The following ACIN1 variants were observed in gnomAD, a reference collection of about 807,000 sequenced individuals.
ACIN1 encodes apoptotic chromatin condensation inducer 1.
A neutral mutation model predicts 146.6 loss-of-function variants in ACIN1; 16 were observed. The ratio of observed to expected loss-of-function variants is 0.11; its 90% CI spans 0.07 to 0.17. The LOEUF (loss-of-function observed/expected upper bound fraction) is 0.17, where lower values mean the gene tolerates loss of function less well. Ranked by LOEUF, ACIN1 falls within the 10% of genes least tolerant of loss-of-function variation. ACIN1 has a pLI of 1.00. For synonymous variants in ACIN1, 569 were observed against 582.7 expected (o/e 0.98, Z 0.34); for missense variants, 1,357 against 1,609.3 (o/e 0.84, Z 2.68).
intron 4 of ACIN1, among the ~76,000 whole-genome samples, chr14:23,082,691 C>T (rs575652893): frequency 2.5e-4 from 38 of 151,632 alleles, no homozygotes; most frequent in African/African-American, 7.0e-4. Context: ...GTGATCTGCC[C>T]GCCTTGGCCT....
rs774301958 is a variant in ACIN1, at chr14:23,095,083, G to A, written c.30C>T (p.Asp10=). Residue 10 remains aspartate, a synonymous_variant, in exon 1 of 19, where the codon GAC becomes GAT. Transcript: ENST00000605057. The stretch of plus-strand genomic sequence containing the variant: ...CCCGCAGCGCCTGAAGAGGCTTCCC[G>A]TCCAGAGTCACCTCCTCCAGCTCCG... The part of the protein sequence containing the change: MAELEEVTL[D]GKPLQALRVT... The A allele has an allele frequency of 3.3e-5, 53 of 1,614,064 alleles. No homozygotes were observed. Among genetic ancestry groups the A allele is most frequent in the East Asian group, 4.5e-5 (2 of 44,892 alleles).
intron 9 of ACIN1, chr14:23,069,148 C>A: frequency 6.7e-6 from 7 of 1,037,252 alleles, no homozygotes; most frequent in Non-Finnish European, 8.1e-6. Flanking sequence ...GAGTTACCAC[C>A]AGGAGAAGCT....
In ACIN1 at chr14:23,079,573, G is replaced by A. The variant is rs764753556; in HGVS notation, c.1762C>T (p.Arg588Cys). 8 of 1,585,112 alleles carry A rather than the reference G, an allele frequency of 5.0e-6. No individual in the cohort carries two copies. The South Asian group carries it at 5.6e-5, about 11-fold the overall frequency. The change falls in exon 6 of 19, where the codon CGT becomes TGT. Residue 588 changes from arginine to cysteine, a missense_variant. Transcript: ENST00000605057. ...ESRSRSRSRS[R>C]SASSNSRKSL... ...TTTCTGCTGTTGCTTGATGCTGAAC[G>A]AGAACGTGAACGTGACCTTGATCTG...
intron 4 of ACIN1, among the ~76,000 whole-genome samples, chr14:23,083,887 T>C (rs1286970493): frequency 6.6e-6 from 1 of 152,216 alleles, no homozygotes; most frequent in African/African-American, 2.4e-5. Flanking sequence ...CAAAACCATG[T>C]TGTATAGTAA....
intron 12 of ACIN1, 34 bp from the exon 13 acceptor site, chr14:23,063,611 T>TAA: frequency 6.2e-7 from 1 of 1,613,222 alleles, no homozygotes; most frequent in Middle Eastern, 1.7e-4. Flanking sequence ...GCAGGTCTGT[T>TAA]AAACACCAAA....
chr14:23,069,652 G>GGGCC, intron 8 of ACIN1, 35 bp from the exon 9 acceptor site: 3 of 577,962 alleles, frequency 5.2e-6, no homozygotes, highest in Admixed American at 2.1e-5. Flanking sequence ...GGGGGGGCGG[G>GGGCC]CAGAAAAGAA....
At chr14:23,062,560 G>A (rs116588366) in intron 14 of ACIN1, 37 bp from the exon 15 acceptor site, 1 of 1,559,406 alleles carries the variant, frequency 6.4e-7, no homozygotes, top group Admixed American at 1.7e-5. Flanking sequence ...TCTAGCAGAA[G>A]GCAAGACCAC....
chr14:23,083,856 C>T (rs951009788), intron 4 of ACIN1, among the ~76,000 whole-genome samples: 2 of 152,178 alleles, frequency 1.3e-5, no homozygotes, highest in Non-Finnish European at 2.9e-5. Flanking sequence ...AATGTTAATA[C>T]AGTACAAAAG....
chr14:23,073,557 C>G (rs1334313562), intron 8 of ACIN1, among the ~76,000 whole-genome samples: 1 of 152,066 alleles, frequency 6.6e-6, no homozygotes, highest in Admixed American at 6.5e-5. Flanking sequence ...ACTCGGGAGG[C>G]TGAGGCAGGA....
At chr14:23,071,854 G>C (rs1010850176) in intron 8 of ACIN1, among the ~76,000 whole-genome samples, 2 of 152,228 alleles carry the variant, frequency 1.3e-5, no homozygotes, top group South Asian at 4.1e-4. Flanking sequence ...CTAGAAAATA[G>C]AGAGAATAGA....
In ACIN1 at chr14:23,068,758, AAC is replaced by A. The variant is rs1425655517; in HGVS notation, c.2265+716_2265+717del. 1 of 985,338 alleles carries A rather than the reference AAC, an allele frequency of 1.0e-6. No individual in the cohort carries two copies. Among genetic ancestry groups the A allele is most frequent in the Non-Finnish European group, 1.2e-6 (1 of 829,980 alleles). The allele number at this position is 985,338 out of a possible 1,614,324, so 61.0% of individuals were successfully genotyped here. ...CACTTTCACCGGCCCCCACCCCCGC[AAC>A]ACACACCAGAAAAAGGCTACACACA... is the stretch of plus-strand genomic sequence containing the variant. On this transcript the variant is annotated intron_variant, in intron 9 of 18. Coordinates refer to ENST00000605057, the MANE Select transcript of ACIN1 (RefSeq NM_001386863.1). This position sits in a 1 kb window ranked among gnomAD's most constrained non-coding sequence, Gnocchi z 4.3.
intron 2 of ACIN1, among the ~76,000 whole-genome samples, chr14:23,093,012 T>C (rs2048267032): frequency 6.6e-6 from 1 of 152,228 alleles, no homozygotes; most frequent in Admixed American, 6.5e-5. Flanking sequence ...GTAAGTGCAC[T>C]GAGTTAGTAG....
chr14:23,071,175 G>A, intron 8 of ACIN1: 1 of 1,545,694 alleles, frequency 6.5e-7, no homozygotes, highest in East Asian at 2.5e-5. Context: ...TGGAAGTGCT[G>A]TTTATCCCTT....
chr14:23,089,944 G>A, intron 4 of ACIN1, 38 bp downstream of exon 4: 1 of 1,551,432 alleles, frequency 6.4e-7, no homozygotes. Flanking sequence ...AACTACGCAG[G>A]ATTGACAAAA....
At chr14:23,069,222 G>A (rs769585866) in intron 9 of ACIN1, 33 of 1,188,404 alleles carry the variant, frequency 2.8e-5, no homozygotes, top group South Asian at 4.0e-5. Flanking sequence ...AGACTTTCCC[G>A]TTAGTTACAA....
intron 8 of ACIN1, among the ~76,000 whole-genome samples, chr14:23,074,385 G>A (rs2047745671): frequency 6.6e-6 from 1 of 151,890 alleles, no homozygotes; most frequent in East Asian, 2.0e-4. Flanking sequence ...GGCCAACATG[G>A]TGAAACCCCA....
chr14:23,066,304 AGAG>A (rs1337795703), intron 9 of ACIN1: 3 of 262,828 alleles, frequency 1.1e-5, no homozygotes, highest in Non-Finnish European at 2.2e-5. Flanking sequence ...ATAAGCTGGA[AGAG>A]GAGTTCAGTA....
intron 18 of ACIN1, among the ~76,000 whole-genome samples, chr14:23,060,674 G>A (rs759090463): frequency 5.9e-5 from 9 of 152,062 alleles, no homozygotes; most frequent in African/African-American, 2.2e-4. Context: ...ACTGCACCCG[G>A]CTAATTTTTG....
chr14:23,089,066 A>G (rs2048159755), intron 4 of ACIN1, among the ~76,000 whole-genome samples: 1 of 152,172 alleles, frequency 6.6e-6, no homozygotes, highest in Non-Finnish European at 1.5e-5. Context: ...TTTGAGACAC[A>G]GTCTCGCTCT....
Sources: allele counts gnomAD v4.1 joint callset (sites outside exome capture counted in the v4.1 genomes callset), GRCh38; gene constraint gnomAD v4.1.1; non-coding constraint Gnocchi (gnomAD v3.1); transcripts MANE v1.5; gene names NCBI Gene and HGNC (gene_info 2026-07-23, HGNC 2026-07-21).